Variants in HGS observed in about 807,000 individuals in gnomAD.
HGS encodes human growth factor-regulated tyrosine kinase substrate.
HGS carries 63 observed loss-of-function variants against 109.7 expected under a neutral mutation model. That is an observed-to-expected ratio of 0.57 (90% CI 0.47 to 0.71). The LOEUF (loss-of-function observed/expected upper bound fraction) is 0.71. Ranked by LOEUF, HGS falls within the 30% of genes least tolerant of loss-of-function variation. The pLI, the probability that HGS is intolerant of heterozygous loss-of-function variation, is 0.00. For missense variants in HGS, 995 were observed against 1,068.3 expected (o/e 0.93, Z 0.96); for synonymous variants, 546 against 437.3 (o/e 1.25, Z -3.10).
rs1454928911 is a variant in HGS, at chr17:81,687,089, G to A, written c.285G>A (p.Leu95=). Residue 95 remains leucine, a synonymous_variant, in exon 4 of 22, where the codon CTG becomes CTA. Coordinates refer to ENST00000329138, the MANE Select transcript of HGS (RefSeq NM_004712.5). ...NKQTMEELKD[L]LKRQVEVNVR... ...AGACCATGGAGGAGCTGAAGGACCT[G>A]CTGAAGGTGGGTGAGACGGGGGCAT... 1.2e-6 allele frequency: 2 copies of A among 1,612,378 alleles called. No homozygotes were observed. The highest frequency in any genetic ancestry group is 1.1e-5 in the South Asian group (1 of 90,788).
At position 81,697,016 on chromosome 17, in the gene HGS, C is replaced by A. The variant is rs759530923; in HGVS notation, c.1882+18C>A. The A allele has an allele frequency of 9.1e-6, 14 of 1,542,480 alleles. No homozygotes were observed. The highest frequency in any genetic ancestry group is 1.1e-5 in the Non-Finnish European group (13 of 1,146,914). On this transcript the variant is annotated intron_variant, in intron 18 of 21. Transcript: ENST00000329138. ...TGCGGCTGGTAAGGACGGGTCGGGG[C>A]AGAGACCATGCCTTTTATCCCTCGT...
chr17:81,693,835 G>T, intron 10 of HGS, 35 bp from the exon 11 acceptor site: 1 of 1,575,504 alleles, frequency 6.3e-7, no homozygotes. Context: ...GGCGTCACGT[G>T]CACCCAAGTG....
chr17:81,688,529 C>T (rs1434643515), intron 4 of HGS, among the ~76,000 whole-genome samples, 175 bp from the exon 5 acceptor site: 1 of 152,170 alleles, frequency 6.6e-6, no homozygotes, highest in Non-Finnish European at 1.5e-5. Context: ...GGTTTGAACT[C>T]AGGGTCTGGG....
In HGS at chr17:81,687,036, A is replaced by G. The variant is rs753484330; in HGVS notation, c.232A>G (p.Thr78Ala). ...ATCTGTGGTAAAGAACTGTGGCCAGACAGTTCATGATGAGGTGGCCAACAA... is the reference window on the plus strand; with the variant it reads ...ATCTGTGGTAAAGAACTGTGGCCAGGCAGTTCATGATGAGGTGGCCAACAA... ...MESVVKNCGQ[T>A]VHDEVANKQT... Residue 78 changes from threonine (T) to alanine (A), a missense_variant, in exon 4 of 22, where the codon ACA (threonine) becomes GCA (alanine). By Grantham distance (58) the Thr-to-Ala change is moderately conservative. Coordinates refer to ENST00000329138, the MANE Select transcript of HGS (RefSeq NM_004712.5). 1 of 1,613,402 alleles carries G rather than the reference A, an allele frequency of 6.2e-7. No homozygotes were observed. Among genetic ancestry groups the G allele is most frequent in the South Asian group, 1.1e-5 (1 of 90,964 alleles).
At position 81,700,481 on chromosome 17, in the gene HGS, A is replaced by G. The variant is rs767869027; in HGVS notation, c.1897A>G (p.Ser633Gly). Residue 633 changes from serine to glycine, a missense_variant, in exon 19 of 22, where the codon AGT (serine) becomes GGT (glycine). Transcript: ENST00000329138. ...GTTTGTCACAGATCCCAGCATGGTGAGTGCCTACATGTACCCAGCAGGGGC... is the reference window on the plus strand; with the variant it reads ...GTTTGTCACAGATCCCAGCATGGTGGGTGCCTACATGTACCCAGCAGGGGC... ...PSTAADPSMV[S>G]AYMYPAGATG... 1.3e-6 allele frequency: 2 copies of G among 1,576,472 alleles called. No individual in the cohort carries two copies. Among genetic ancestry groups the G allele is most frequent in the Non-Finnish European group, 1.7e-6 (2 of 1,160,484 alleles).
At position 81,701,260 on chromosome 17, in the gene HGS, G is replaced by A. The variant is rs146942847; in HGVS notation, c.2223+129G>A. 288 of 884,022 alleles carry A rather than the reference G, an allele frequency of 3.3e-4. 1 individual carries two copies. The Middle Eastern group carries it at 7.3e-3, about 22-fold the overall frequency. The allele number at this position is 884,022 out of a possible 1,614,324, so 54.8% of individuals were successfully genotyped here. ...TGCTCACAGGGGGAGACGCATACCC[G>A]AGGCCCCTTCTCAGCAGACAGAACG... On this transcript the variant is annotated intron_variant, in intron 21 of 21. Transcript: ENST00000329138.
At position 81,685,453 on chromosome 17, in the gene HGS, A is replaced by C. The variant is rs575406206; in HGVS notation, c.38-152A>C. On this transcript the variant is annotated intron_variant, in intron 1 of 21. Transcript: ENST00000329138. ...GGAGGATGGCACTTCCCTGCCCATC[A>C]GCACGCTCAGGAGGATTCTGTCATG... is the stretch of plus-strand genomic sequence containing the variant. The C allele has an allele frequency of 1.3e-5, 7 of 550,184 alleles. No individual in the cohort carries two copies. The African/African-American group carries it at 1.4e-4, about 11-fold the overall frequency. 34.1% of individuals were successfully genotyped at this position (550,184 alleles called of 1,614,324 possible).
At chr17:81,684,796 G>C (rs1288546275) in intron 1 of HGS, 1 of 551,644 alleles carries the variant, frequency 1.8e-6, no homozygotes, top group Non-Finnish European at 2.3e-6. Context: ...GCCCAAGCTT[G>C]CCTTTTTGTC....
rs1016968248 is a variant in HGS at position 81,685,687 on chromosome 17, A to G, written c.120A>G (p.Thr40=). The G allele has an allele frequency of 1.2e-6, 2 of 1,611,140 alleles. No individual in the cohort carries two copies. The highest frequency in any genetic ancestry group is 3.3e-5 in the Admixed American group (2 of 59,844). ...GCGACCTGATCCGCCAAGGGGACAC[A>G]CAGTGAGTTAGCGGGGCCTGTGCCC... ...QICDLIRQGD[T]QAKYAVNSIK... Residue 40 remains threonine, a splice_region_variant and synonymous_variant, in exon 2 of 22, where the codon ACA becomes ACG. Transcript: ENST00000329138.
rs368842202 is a variant in HGS, at chr17:81,695,004, G to A, written c.1056G>A (p.Val352=). The A allele has an allele frequency of 1.2e-6, 2 of 1,614,072 alleles. No homozygotes were observed. The highest frequency in any genetic ancestry group is 4.5e-5 in the East Asian group (2 of 44,888). The part of the protein sequence containing the change: ...ARKSPTPSAP[V]PLTEPAAQPG... ...AGAGCCCCACGCCATCTGCGCCCGTGCCCCTGACGGAGCCGGCTGCACAGC... is the reference window on the plus strand; with the variant it reads ...AGAGCCCCACGCCATCTGCGCCCGTACCCCTGACGGAGCCGGCTGCACAGC... The change falls in exon 13 of 22, where the codon GTG becomes GTA. Residue 352 remains valine, a synonymous_variant. Transcript: ENST00000329138.
chr17:81,690,669 C>T lies in HGS; in HGVS notation c.469-5C>T, dbSNP rs1423516200. ...CGTGTGGTCCTGACTGCTGCCCCTCCTCAGGCCCCAGACTGGGTGGACGCT... is the reference window on the plus strand; with the variant it reads ...CGTGTGGTCCTGACTGCTGCCCCTCTTCAGGCCCCAGACTGGGTGGACGCT... On this transcript the variant is annotated splice_region_variant and splice_polypyrimidine_tract_variant and intron_variant, in intron 6 of 21. Transcript: ENST00000329138. 7 of 1,611,706 alleles carry T rather than the reference C, an allele frequency of 4.3e-6. No homozygotes were observed. The highest frequency in any genetic ancestry group is 4.2e-6 in the Non-Finnish European group (5 of 1,179,122).
At chr17:81,687,690 G>A (rs1317336061) in intron 4 of HGS, among the ~76,000 whole-genome samples, 3 of 152,244 alleles carry the variant, frequency 2.0e-5, no homozygotes, top group Admixed American at 6.5e-5. Context: ...CAGGGACTGT[G>A]ATGTGGACTG....
Position 81,690,614 on chromosome 17 carries a change from CTG to C in HGS, c.469-57_469-56del. ...TGCCTTCTGTGGGGCAGGGGAGGCT[CTG>C]TGCCTCTGGGGCTGGTGGGGCGGGA... On this transcript the variant is annotated intron_variant, in intron 6 of 21. Coordinates refer to ENST00000329138, the MANE Select transcript of HGS (RefSeq NM_004712.5). The C allele has an allele frequency of 7.8e-6, 12 of 1,532,272 alleles. 1 individual carries two copies. The South Asian group carries it at 1.4e-4, about 18-fold the overall frequency. The allele number at this position is 1,532,272 out of a possible 1,614,324, so 94.9% of individuals were successfully genotyped here.
chr17:81,690,066 C>G lies in HGS; in HGVS notation c.416-116C>G, dbSNP rs990748416. 2.6e-6 allele frequency: 3 copies of G among 1,141,942 alleles called. No homozygotes were observed. In the African/African-American group the frequency reaches 4.7e-5, roughly 18 times the overall value. The allele number at this position is 1,141,942 out of a possible 1,614,324, so 70.7% of individuals were successfully genotyped here. Reference sequence around the variant, plus strand: ...AGGCTGTCTCGGTGCCCCCAGACACCTTCACTTGGGTGCACGGTCACTGCT... The same window carrying G: ...AGGCTGTCTCGGTGCCCCCAGACACGTTCACTTGGGTGCACGGTCACTGCT... On this transcript the variant is annotated intron_variant, in intron 5 of 21. Transcript: ENST00000329138.
At position 81,685,819 on chromosome 17, in the gene HGS, T is replaced by C. The variant is rs368053505; in HGVS notation, c.122+130T>C. ...CTCTTATGTGGAGAACTGCATGGGC[T>C]ACATGCTAGGATTTTTTGACATCTT... On this transcript the variant is annotated intron_variant, in intron 2 of 21. Coordinates refer to ENST00000329138, the MANE Select transcript of HGS (RefSeq NM_004712.5). 2.6e-5 allele frequency: 16 copies of C among 617,668 alleles called. No homozygotes were observed. In the South Asian group the frequency reaches 3.1e-4, roughly 12 times the overall value. 38.3% of individuals were successfully genotyped at this position (617,668 alleles called of 1,614,324 possible).
Position 81,700,558 on chromosome 17 carries a change from C to T in HGS, c.1974C>T (p.Pro658=), listed in dbSNP as rs370738298. The change falls in exon 19 of 22, where the codon CCC becomes CCT. Residue 658 remains proline (P), a synonymous_variant. Coordinates refer to ENST00000329138, the MANE Select transcript of HGS (RefSeq NM_004712.5). ...PQAQAGPTAS[P]AYSSYQPTPT... ...CCCAGGCCGGACCCACCGCCAGCCC[C>T]GCTTACTCATCCTACCAGCCTACTC... 5.2e-5 allele frequency: 84 copies of T among 1,610,710 alleles called. No individual in the cohort carries two copies. Among genetic ancestry groups the T allele is most frequent in the Middle Eastern group, 1.7e-4 (1 of 6,060 alleles).
At chr17:81,699,148 C>T (rs1202664588) in intron 18 of HGS, among the ~76,000 whole-genome samples, 1 of 152,006 alleles carries the variant, frequency 6.6e-6, no homozygotes, top group Non-Finnish European at 1.5e-5. Context: ...GCATTGTTTT[C>T]AATATACTCA....
rs755779298 is a variant in HGS, at chr17:81,691,608, C to T, written c.662+37C>T. The T allele has an allele frequency of 1.2e-6, 2 of 1,611,858 alleles. No homozygotes were observed. Among genetic ancestry groups the T allele is most frequent in the South Asian group, 2.2e-5 (2 of 91,036 alleles). On this transcript the variant is annotated intron_variant, in intron 8 of 21. Coordinates refer to ENST00000329138, the MANE Select transcript of HGS (RefSeq NM_004712.5). The surrounding 1 kb of genome is among the most constrained non-coding windows in gnomAD (Gnocchi z 5.3). ...CCCCCCATTTGGGCTGCAGGTGGGG[C>T]AGGCTCTCCAGGCTGGGTTTTCTGT...
chr17:81,696,984 C>A lies in HGS; in HGVS notation c.1868C>A (p.Pro623His), dbSNP rs1310765028. The A allele has an allele frequency of 6.3e-7, 1 of 1,590,962 alleles. No homozygotes were observed. Among genetic ancestry groups the A allele is most frequent in the Non-Finnish European group, 8.5e-7 (1 of 1,171,840 alleles). The change falls in exon 18 of 22, where the codon CCC becomes CAC. Residue 623 changes from proline (P) to histidine (H), a missense_variant. Pro to His is a moderately conservative substitution (Grantham distance 77). Around this residue, in one of 6 missense-constraint regions of HGS, gnomAD observed 326 missense variants for 309.7 expected, o/e 1.05. Coordinates refer to ENST00000329138, the MANE Select transcript of HGS (RefSeq NM_004712.5). ...GCCGCTGGCCCCTACCCCAGCATGC[C>A]CAGCACTGCGGCTGGTAAGGACGGG... ...APAAGPYPSM[P>H]STAADPSMVS... is the part of the protein sequence containing the mutation.
Sources: gnomAD v4.1 joint callset for allele counts (sites outside exome capture counted in the v4.1 genomes callset) on GRCh38, gnomAD v4.1.1 for gene constraint, gnomAD v4.1.1 regional missense constraint, Gnocchi (gnomAD v3.1) non-coding constraint, MANE v1.5 for transcripts, NCBI Gene and HGNC (gene_info 2026-07-23, HGNC 2026-07-21) for gene names.